The following RSPRY1 variants were observed in gnomAD, a reference collection of about 807,000 sequenced individuals.
RSPRY1 encodes ring finger and SPRY domain containing 1, also known as RING finger and SPRY domain-containing protein 1.
RSPRY1 carries 23 observed loss-of-function variants against 73.1 expected under a neutral mutation model. The observed-to-expected ratio is 0.31, with a 90% CI of 0.23 to 0.45. The LOEUF (loss-of-function observed/expected upper bound fraction) is 0.45. RSPRY1 is among the 20% of genes least tolerant of loss of function. RSPRY1 has a pLI of 1.00. For missense variants in RSPRY1, 448 were observed against 698.7 expected, an observed-to-expected ratio of 0.64 and a Z score of 4.05; for synonymous variants, 226 against 251.4, an observed-to-expected ratio of 0.90 and a Z score of 0.95.
chr16:57,238,612 G>A (rs886485682), intron 14 of RSPRY1, among the ~76,000 whole-genome samples: 6 of 152,204 alleles, frequency 3.9e-5, no homozygotes, highest in Admixed American at 2.0e-4. Context: ...CTACCTATAA[G>A]TGCACATCTG....
At chr16:57,194,836 A>C (rs1465031163) in intron 1 of RSPRY1, among the ~76,000 whole-genome samples, 3 of 152,192 alleles carry the variant, frequency 2.0e-5, no homozygotes, top group Non-Finnish European at 4.4e-5. Context: ...TTTGTCAGAG[A>C]GGGTTAGACT....
intron 11 of RSPRY1, among the ~76,000 whole-genome samples, chr16:57,228,894 C>A (rs1274605824): frequency 6.6e-6 from 1 of 152,132 alleles, no homozygotes; most frequent in African/African-American, 2.4e-5. Context: ...AGGATTTTGC[C>A]ATGTTGCCCT....
chr16:57,218,828 C>T lies in RSPRY1; in HGVS notation c.901+1793C>T, dbSNP rs1179031327. 4.9e-3 allele frequency among the ~76,000 whole-genome samples: 543 copies of T among 110,506 alleles called. 30 individuals carry two copies. The highest frequency in any genetic ancestry group is 0.019 in the African/African-American group (521 of 27,386). The allele number at this position is 110,506 out of a possible 152,430, so 72.5% of individuals were successfully genotyped here. ...TCGGCTCACTGCAAGCTCTGCCTCC[C>T]GGGTTCACGCCATTCTCCTGCCTCA... is the stretch of plus-strand genomic sequence containing the variant. On this transcript the variant is annotated intron_variant, in intron 8 of 14. Transcript: ENST00000394420.
chr16:57,214,043 A>G (rs2074894999), intron 6 of RSPRY1, 97 bp downstream of exon 6: 1 of 803,784 alleles, frequency 1.2e-6, no homozygotes, highest in Non-Finnish European at 2.2e-6. Context: ...AGCCACTGGC[A>G]CAGAGAATGG....
In RSPRY1 at chr16:57,223,849, A is replaced by G. The variant is rs572625456; in HGVS notation, c.1161+2434A>G. ...GTGACACTTTTGTGAGGTCTTTCAC[A>G]TATTTATCTTTAATCTTTTTGAGAG... On this transcript the variant is annotated intron_variant, in intron 10 of 14. Transcript: ENST00000394420. Among the ~76,000 whole-genome samples the G allele has an allele frequency of 9.2e-5, 14 of 152,324 alleles. No homozygotes were observed. The East Asian group carries it at 2.5e-3, about 27-fold the overall frequency.
At chr16:57,231,639 T>G (rs1181748785) in intron 13 of RSPRY1, among the ~76,000 whole-genome samples, 2 of 152,332 alleles carry the variant, frequency 1.3e-5, no homozygotes, top group East Asian at 1.9e-4. Context: ...CAAATTTTTT[T>G]TGTGAGATAA....
intron 10 of RSPRY1, among the ~76,000 whole-genome samples, chr16:57,224,646 G>A (rs1414792064): frequency 6.6e-6 from 1 of 152,148 alleles, no homozygotes; most frequent in Non-Finnish European, 1.5e-5. Flanking sequence ...CATCTAGGTT[G>A]TTCTCTGAGA....
intron 1 of RSPRY1, among the ~76,000 whole-genome samples, chr16:57,190,528 G>A (rs2074335237): frequency 6.6e-6 from 1 of 152,170 alleles, no homozygotes; most frequent in African/African-American, 2.4e-5. Context: ...ATAAACTATG[G>A]ATTTAGCTTC....
At chr16:57,186,594 T>G (rs2146106386) in intron 1 of RSPRY1, 143 bp downstream of exon 1, 1 of 152,794 alleles carries the variant, frequency 6.5e-6, no homozygotes, top group Non-Finnish European at 1.5e-5. Context: ...CGGGGTAGGC[T>G]CTGGAAAGGG....
chr16:57,208,192 T>C, intron 3 of RSPRY1, 82 bp downstream of exon 3: 1 of 906,478 alleles, frequency 1.1e-6, no homozygotes, highest in Non-Finnish European at 1.7e-6. Context: ...TTTTGTTTTG[T>C]TTTGTTTTGA....
intron 1 of RSPRY1, among the ~76,000 whole-genome samples, chr16:57,202,746 A>G (rs1326080150): frequency 1.3e-5 from 2 of 152,058 alleles, no homozygotes; most frequent in Admixed American, 6.5e-5. Context: ...TTGCTGTCTT[A>G]ATAGTGAAAA....
intron 5 of RSPRY1, 59 bp from the exon 6 acceptor site, chr16:57,213,829 C>T: frequency 8.4e-7 from 1 of 1,187,254 alleles, no homozygotes; most frequent in Non-Finnish European, 1.3e-6. Context: ...TGATTGTTAC[C>T]AGTGATTTAA....
chr16:57,189,157 G>A (rs2074306515), intron 1 of RSPRY1, among the ~76,000 whole-genome samples: 1 of 151,548 alleles, frequency 6.6e-6, no homozygotes, highest in Non-Finnish European at 1.5e-5. Flanking sequence ...CCCGTGCCTG[G>A]CTAATTTTTG....
intron 6 of RSPRY1, among the ~76,000 whole-genome samples, chr16:57,214,600 A>C (rs1180907304): frequency 6.6e-6 from 1 of 152,162 alleles, no homozygotes; most frequent in Non-Finnish European, 1.5e-5. Flanking sequence ...CTCAATGAGC[A>C]CTCTGGGGAT....
chr16:57,199,484 T>C (rs2074519347), intron 1 of RSPRY1, among the ~76,000 whole-genome samples: 1 of 152,024 alleles, frequency 6.6e-6, no homozygotes, highest in Non-Finnish European at 1.5e-5. Flanking sequence ...AGAGTGAGAC[T>C]CCATCTCAAA....
intron 1 of RSPRY1, among the ~76,000 whole-genome samples, chr16:57,193,117 C>G (rs2074379455): frequency 1.3e-5 from 2 of 152,186 alleles, no homozygotes; most frequent in Admixed American, 1.3e-4. Context: ...CAGTGCTTTT[C>G]CCAGACTTCT....
At position 57,217,938 on chromosome 16, in the gene RSPRY1, C is replaced by T. The variant is rs74630199; in HGVS notation, c.901+903C>T. ...GAGTGCAATTTGGATTTTGTTCATACAAAATTATATTCTAGGGAATGGAAG... is the reference window on the plus strand; with the variant it reads ...GAGTGCAATTTGGATTTTGTTCATATAAAATTATATTCTAGGGAATGGAAG... On this transcript the variant is annotated intron_variant, in intron 8 of 14. Coordinates refer to ENST00000394420, the MANE Select transcript of RSPRY1 (RefSeq NM_133368.3). 6.3e-3 allele frequency among the ~76,000 whole-genome samples: 960 copies of T among 152,294 alleles called. 5 individuals carry two copies. The highest frequency in any genetic ancestry group is 0.01 in the Non-Finnish European group (682 of 68,020).
intron 13 of RSPRY1, among the ~76,000 whole-genome samples, chr16:57,233,510 T>A (rs558775044): frequency 1.3e-5 from 2 of 152,288 alleles, no homozygotes; most frequent in East Asian, 3.9e-4. Flanking sequence ...TAGCTGGGAC[T>A]ACAGGCATGC....
intron 3 of RSPRY1, among the ~76,000 whole-genome samples, chr16:57,208,499 A>T (rs1353814706): frequency 6.8e-6 from 1 of 147,802 alleles, no homozygotes; most frequent in Non-Finnish European, 1.5e-5. Context: ...ACCCTGGCCC[A>T]GGTGATCACC....
Sources: gnomAD v4.1 joint callset for allele counts (sites outside exome capture counted in the v4.1 genomes callset) on GRCh38, gnomAD v4.1.1 for gene constraint, MANE v1.5 for transcripts, NCBI Gene and HGNC (gene_info 2026-07-23, HGNC 2026-07-21) for gene names.